The following STAU2 variants were observed in gnomAD, a reference collection of about 807,000 sequenced individuals.
STAU2 encodes double-stranded RNA-binding protein Staufen homolog 2.
Under a neutral mutation model 65.9 loss-of-function variants are expected in STAU2, and 20 were observed. That is an observed-to-expected ratio of 0.30 (90% CI 0.21 to 0.44). The LOEUF is 0.44. Among genes scored for constraint, STAU2 ranks in the 20% least tolerant of loss-of-function variants. The pLI is 1.00. For missense variants in STAU2, 558 were observed against 683.9 expected (o/e 0.82, Z 2.05); for synonymous variants, 232 against 233.9 (o/e 0.99, Z 0.07).
chr8:73,459,237 T>C (rs1819223113), intron 13 of STAU2, among the ~76,000 whole-genome samples: 1 of 152,176 alleles, frequency 6.6e-6, no homozygotes, highest in African/African-American at 2.4e-5. Flanking sequence ...GCTCCTACTT[T>C]GAGAGTGTAT....
chr8:73,720,226 G>A (rs1023511138), intron 3 of STAU2, among the ~76,000 whole-genome samples: 13 of 148,144 alleles, frequency 8.8e-5, no homozygotes, highest in Non-Finnish European at 1.3e-4. Context: ...AGCTATCATC[G>A]GACCACTGCT....
chr8:73,664,581 G>A (rs1026047438), intron 6 of STAU2, among the ~76,000 whole-genome samples: 1 of 152,052 alleles, frequency 6.6e-6, no homozygotes, highest in African/African-American at 2.4e-5. Context: ...TCTATTAATT[G>A]GGTTAATTAC....
At chr8:73,664,413 T>C (rs1312459113) in intron 6 of STAU2, among the ~76,000 whole-genome samples, 1 of 152,244 alleles carries the variant, frequency 6.6e-6, no homozygotes, top group East Asian at 1.9e-4. Context: ...CTATAAAGCA[T>C]AATGTTATCT....
intron 13 of STAU2, among the ~76,000 whole-genome samples, chr8:73,487,127 C>T (rs1177177407): frequency 2.0e-5 from 3 of 152,118 alleles, no homozygotes; most frequent in Admixed American, 6.6e-5. Context: ...TATCCAAGCA[C>T]GAAAGCATTT....
intron 1 of STAU2, among the ~76,000 whole-genome samples, chr8:73,744,609 AT>A (rs1807146612): frequency 6.6e-6 from 1 of 152,072 alleles, no homozygotes; most frequent in South Asian, 2.1e-4. Context: ...TTTTATATTC[AT>A]ACTATTTGTT....
chr8:73,596,416 A>G (rs949108716), intron 10 of STAU2, among the ~76,000 whole-genome samples: 1 of 152,248 alleles, frequency 6.6e-6, no homozygotes, highest in Non-Finnish European at 1.5e-5. Flanking sequence ...CATCAACCAT[A>G]CAACTATAAA....
chr8:73,612,889 CAG>C (rs1349357044), intron 9 of STAU2, among the ~76,000 whole-genome samples: 3 of 152,178 alleles, frequency 2.0e-5, no homozygotes, highest in Non-Finnish European at 1.5e-5. Context: ...TCTGGAAACA[CAG>C]AACTCTAGCT....
At chr8:73,479,472 G>A (rs1585842818) in intron 13 of STAU2, among the ~76,000 whole-genome samples, 1 of 139,842 alleles carries the variant, frequency 7.2e-6, no homozygotes, top group African/African-American at 2.7e-5. Flanking sequence ...TCCCTATTCT[G>A]CACACACACA....
chr8:73,465,612 TGA>T (rs1585812474), intron 13 of STAU2, among the ~76,000 whole-genome samples: 2 of 152,342 alleles, frequency 1.3e-5, no homozygotes, highest in East Asian at 3.9e-4. Context: ...GCTCCTTTTT[TGA>T]GTTTGTTGTG....
chr8:73,617,493 A>C, intron 6 of STAU2, 42 bp from the exon 7 acceptor site: 2 of 1,555,544 alleles, frequency 1.3e-6, no homozygotes, highest in Non-Finnish European at 8.8e-7. Context: ...GCTTAATAAA[A>C]CCACTCTATA....
At chr8:73,592,409 C>A (rs1388894629) in intron 11 of STAU2, among the ~76,000 whole-genome samples, 4 of 151,948 alleles carry the variant, frequency 2.6e-5, no homozygotes, top group African/African-American at 9.7e-5. Context: ...TCAACTAATT[C>A]TTTGAAAGAC....
intron 6 of STAU2, among the ~76,000 whole-genome samples, chr8:73,658,213 A>T (rs529592875): frequency 8.6e-5 from 13 of 151,412 alleles, no homozygotes; most frequent in African/African-American, 2.7e-4. Flanking sequence ...AAAAAAAATT[A>T]AAAAATTAGC....
intron 13 of STAU2, among the ~76,000 whole-genome samples, chr8:73,473,066 G>A (rs930650309): frequency 1.3e-5 from 2 of 152,044 alleles, no homozygotes; most frequent in Non-Finnish European, 2.9e-5. Flanking sequence ...CAAGGTGCAC[G>A]CCAGCATGAA....
At chr8:73,474,952 G>GT (rs1820237357) in intron 13 of STAU2, among the ~76,000 whole-genome samples, 2 of 152,204 alleles carry the variant, frequency 1.3e-5, no homozygotes, top group Admixed American at 1.3e-4. Flanking sequence ...AGAATAACCT[G>GT]TGACTATAAA....
intron 13 of STAU2, among the ~76,000 whole-genome samples, chr8:73,507,006 TCTTA>T (rs1396388060): frequency 6.6e-6 from 1 of 152,168 alleles, no homozygotes; most frequent in Non-Finnish European, 1.5e-5. Flanking sequence ...ATTCTACTTC[TCTTA>T]CTATTTCTAC....
At chr8:73,569,671 C>T (rs1808890837) in intron 12 of STAU2, among the ~76,000 whole-genome samples, 1 of 152,194 alleles carries the variant, frequency 6.6e-6, no homozygotes, top group Admixed American at 6.5e-5. Context: ...GTTCTGCAGC[C>T]TCCACTGGTG....
chr8:73,458,004 A>G (rs1412101414), intron 13 of STAU2, among the ~76,000 whole-genome samples: 1 of 152,238 alleles, frequency 6.6e-6, no homozygotes, highest in Admixed American at 6.5e-5. Context: ...ATAATTGGCA[A>G]CATGGAAGTA....
intron 13 of STAU2, among the ~76,000 whole-genome samples, chr8:73,464,774 A>ATAT (rs1819559842): frequency 6.6e-6 from 1 of 152,264 alleles, no homozygotes; most frequent in African/African-American, 2.4e-5. Context: ...TATAGCTTGT[A>ATAT]ATAACATGCT....
At chr8:73,551,286 T>C (rs1807317925) in intron 13 of STAU2, 1 of 987,488 alleles carries the variant, frequency 1.0e-6, no homozygotes, top group Non-Finnish European at 1.2e-6. Context: ...GGAAAAAAAG[T>C]TTCCATCCCT....
Sources: allele counts gnomAD v4.1 joint callset (sites outside exome capture counted in the v4.1 genomes callset), GRCh38; gene constraint gnomAD v4.1.1; transcripts MANE v1.5; gene names NCBI Gene and HGNC (gene_info 2026-07-23, HGNC 2026-07-21).